EYS: variants seen among roughly 807,000 people sequenced by gnomAD.
EYS encodes EGF-like photoreceptor maintenance factor.
Under a neutral mutation model 282.1 loss-of-function variants are expected in EYS, and 250 were observed. The ratio of observed to expected loss-of-function variants is 0.89; its 90% CI spans 0.80 to 0.98. The LOEUF (loss-of-function observed/expected upper bound fraction) is 0.98. Among genes scored for constraint, EYS ranks in the 50% least tolerant of loss-of-function variants. The pLI, the probability that EYS is intolerant of heterozygous loss-of-function variation, is 0.00. For missense variants in EYS, 4,016 were observed against 3,709.0 expected (o/e 1.08, Z -2.15); for synonymous variants, 1,355 against 1,282.9 (o/e 1.06, Z -1.20).
intron 22 of EYS, among the ~76,000 whole-genome samples, chr6:64,711,365 GC>G (rs1031991865): frequency 1.4e-4 from 22 of 152,102 alleles, no homozygotes; most frequent in African/African-American, 4.3e-4. Flanking sequence ...ATATATGTGT[GC>G]CCACAATAGT....
chr6:65,295,599 A>G (rs1768638267), intron 12 of EYS, among the ~76,000 whole-genome samples: 1 of 151,928 alleles, frequency 6.6e-6, no homozygotes, highest in Non-Finnish European at 1.5e-5. Context: ...GACCTTTGAC[A>G]TATACCATCA....
At chr6:64,590,184 AT>A in intron 26 of EYS, 38 bp downstream of exon 26, 1 of 1,463,256 alleles carries the variant, frequency 6.8e-7, no homozygotes, top group East Asian at 2.5e-5. Flanking sequence ...AAAGAAACTC[AT>A]TTCTAAAAGT....
chr6:65,665,556 T>G (rs565769077), intron 1 of EYS, among the ~76,000 whole-genome samples: 1 of 152,170 alleles, frequency 6.6e-6, no homozygotes, highest in Non-Finnish European at 1.5e-5. Context: ...ATATTCAGTC[T>G]ATGCTACTTA....
chr6:65,135,777 A>G lies in EYS; in HGVS notation c.2024-78050T>C, dbSNP rs1396053664. On this transcript the variant is annotated intron_variant, in intron 12 of 42. Transcript: ENST00000503581. ...TCTGGAATTTTAGTAGTGACCATTC[A>G]TTGTGATTTGATTTGATTATACATA... Among the ~76,000 whole-genome samples, 3 of 151,906 alleles carry G rather than the reference A, an allele frequency of 2.0e-5. No homozygotes were observed. The East Asian group carries it at 5.8e-4, about 29-fold the overall frequency.
rs184928000 is a variant in EYS at position 65,268,506 on chromosome 6, T to C, written c.2023+27357A>G. On this transcript the variant is annotated intron_variant, in intron 12 of 42. Transcript: ENST00000503581. The stretch of plus-strand genomic sequence containing the variant: ...TTTGAGAAAACATACAATCAAACAT[T>C]AATGCAAATAAAGTCATTGATAAAA... 4.3e-3 allele frequency among the ~76,000 whole-genome samples: 647 copies of C among 152,204 alleles called. 4 individuals carry two copies. The highest frequency in any genetic ancestry group is 0.02 in the Middle Eastern group (6 of 294).
chr6:64,452,182 G>A (rs1030323337), intron 26 of EYS, among the ~76,000 whole-genome samples: 3 of 152,054 alleles, frequency 2.0e-5, no homozygotes, highest in Non-Finnish European at 4.4e-5. Context: ...AAATCAATGT[G>A]CAAAAATCAC....
chr6:65,497,394 G>A (rs1582379712), intron 2 of EYS, among the ~76,000 whole-genome samples: 1 of 151,930 alleles, frequency 6.6e-6, no homozygotes, highest in African/African-American at 2.4e-5. Context: ...ATGATAAAAC[G>A]GAATCACCTG....
At chr6:64,979,613 T>A (rs1770585977) in intron 14 of EYS, among the ~76,000 whole-genome samples, 1 of 151,552 alleles carries the variant, frequency 6.6e-6, no homozygotes, top group Admixed American at 6.6e-5. Context: ...GATCAGTTGT[T>A]GACAGGTAGA....
At chr6:65,665,713 T>C (rs1459828184) in intron 1 of EYS, among the ~76,000 whole-genome samples, 5 of 152,104 alleles carry the variant, frequency 3.3e-5, no homozygotes, top group Admixed American at 1.3e-4. Flanking sequence ...ATGATTTGTA[T>C]GGAAGATTTA....
intron 12 of EYS, among the ~76,000 whole-genome samples, chr6:65,251,629 G>A (rs1317880179): frequency 6.6e-6 from 1 of 152,002 alleles, no homozygotes; most frequent in East Asian, 1.9e-4. Context: ...TGCAGCTGCT[G>A]TATGAGGACT....
intron 36 of EYS, among the ~76,000 whole-genome samples, chr6:63,826,327 T>C (rs1047105081): frequency 8.5e-5 from 13 of 152,160 alleles, no homozygotes; most frequent in African/African-American, 3.1e-4. Context: ...GGGGGGATAA[T>C]TGAGGAAAAC....
intron 28 of EYS, among the ~76,000 whole-genome samples, chr6:64,408,890 T>C (rs1400521119): frequency 2.0e-5 from 3 of 152,152 alleles, no homozygotes; most frequent in Non-Finnish European, 4.4e-5. Flanking sequence ...AATGACTTTG[T>C]CACCCAGGTA....
intron 2 of EYS, among the ~76,000 whole-genome samples, chr6:65,597,987 C>T (rs998634133): frequency 1.3e-5 from 2 of 152,028 alleles, no homozygotes; most frequent in African/African-American, 4.8e-5. Flanking sequence ...GTAGTCTCAG[C>T]TGCTCAGGAA....
chr6:63,789,319 G>T, intron 37 of EYS, 95 bp from the exon 38 acceptor site: 1 of 1,214,450 alleles, frequency 8.2e-7, no homozygotes, highest in Non-Finnish European at 1.2e-6. Context: ...TTACAGATCA[G>T]TATGGTAAGT....
intron 14 of EYS, among the ~76,000 whole-genome samples, chr6:64,969,736 A>G (rs1466878381): frequency 6.6e-6 from 1 of 152,126 alleles, no homozygotes; most frequent in Non-Finnish European, 1.5e-5. Context: ...ATTATATGAT[A>G]AGCCTTCCAA....
At chr6:65,600,230 C>T (rs1765569941) in intron 2 of EYS, among the ~76,000 whole-genome samples, 1 of 151,978 alleles carries the variant, frequency 6.6e-6, no homozygotes, top group Non-Finnish European at 1.5e-5. Flanking sequence ...AACTCTGGAA[C>T]CCAGGGTGGT....
intron 16 of EYS, among the ~76,000 whole-genome samples, chr6:64,911,479 A>T (rs1583286355): frequency 1.3e-5 from 2 of 152,134 alleles, no homozygotes; most frequent in East Asian, 3.9e-4. Flanking sequence ...TTAATGCAAA[A>T]CAAATGGAAA....
At chr6:65,387,887 G>A (rs953803765) in intron 7 of EYS, among the ~76,000 whole-genome samples, 2 of 151,944 alleles carry the variant, frequency 1.3e-5, no homozygotes, top group Non-Finnish European at 2.9e-5. Context: ...GTTTCATCAT[G>A]CATACATGGG....
In EYS at chr6:65,468,172, A is replaced by G. The variant is rs1407195211; in HGVS notation, c.862+22422T>C. Among the ~76,000 whole-genome samples, 7 of 152,158 alleles carry G rather than the reference A, an allele frequency of 4.6e-5. No individual in the cohort carries two copies. The East Asian group carries it at 1.2e-3, about 25-fold the overall frequency. ...AAAGTAACAAAAAGCTGTTTCCAGAACCTTAAACAGGGAATCATGGCAAGA... is the reference window on the plus strand; with the variant it reads ...AAAGTAACAAAAAGCTGTTTCCAGAGCCTTAAACAGGGAATCATGGCAAGA... On this transcript the variant is annotated intron_variant, in intron 5 of 42. Coordinates refer to ENST00000503581, the MANE Select transcript of EYS (RefSeq NM_001142800.2).
Sources: gnomAD v4.1 joint callset for allele counts (sites outside exome capture counted in the v4.1 genomes callset) on GRCh38, gnomAD v4.1.1 for gene constraint, MANE v1.5 for transcripts, NCBI Gene and HGNC (gene_info 2026-07-23, HGNC 2026-07-21) for gene names.